DIP2C: variants seen among roughly 807,000 people sequenced by gnomAD.
The protein encoded by DIP2C is DIP2 acetate--CoA ligase C (putative), also known as disco-interacting protein 2 homolog C.
A neutral mutation model predicts 192.4 loss-of-function variants in DIP2C; 33 were observed. That is an observed-to-expected ratio of 0.17 (90% CI 0.13 to 0.23). The LOEUF (loss-of-function observed/expected upper bound fraction) is 0.23. DIP2C is among the 10% of genes least tolerant of loss of function. The pLI is 1.00. For synonymous variants in DIP2C, 979 were observed against 864.1 expected, an observed-to-expected ratio of 1.13 and a Z score of -2.33; for missense variants, 1,537 against 2,110.1, an observed-to-expected ratio of 0.73 and a Z score of 5.32.
At chr10:567,243 C>T (rs1444725206) in intron 1 of DIP2C, among the ~76,000 whole-genome samples, 1 of 152,092 alleles carries the variant, frequency 6.6e-6, no homozygotes, top group African/African-American at 2.4e-5. Flanking sequence ...GACCAGAGTG[C>T]AGTGGTGCAA....
intron 9 of DIP2C, among the ~76,000 whole-genome samples, chr10:399,432 T>TCA (rs1352327407): frequency 6.6e-6 from 1 of 152,234 alleles, no homozygotes; most frequent in Non-Finnish European, 1.5e-5. Context: ...TATGATACTG[T>TCA]CACCAGAGTA....
At chr10:621,790 AC>A (rs1005325224) in intron 1 of DIP2C, among the ~76,000 whole-genome samples, 4 of 152,182 alleles carry the variant, frequency 2.6e-5, no homozygotes, top group African/African-American at 9.6e-5. Flanking sequence ...CACGGGGCCT[AC>A]GGAGTGCTTC....
chr10:607,685 C>T (rs925269330), intron 1 of DIP2C, among the ~76,000 whole-genome samples: 2 of 152,164 alleles, frequency 1.3e-5, no homozygotes, highest in South Asian at 2.1e-4. Flanking sequence ...GTGACTAGTT[C>T]ACGCCATAAG....
rs138724204 is a variant in DIP2C, at chr10:384,604, C to T, written c.1698G>A (p.Pro566=). Residue 566 remains proline (P), a synonymous_variant, in exon 15 of 37, where the codon CCG becomes CCA. Transcript: ENST00000280886. The part of the protein sequence containing the change: ...VMNMMHVISI[P]YSLMKVNPLS... The stretch of plus-strand genomic sequence containing the variant: ...GAGGGTTCACCTTCATCAGCGAGTA[C>T]GGGATGCTGATCACATGCATCATGT... 112 of 1,613,866 alleles carry T rather than the reference C, an allele frequency of 6.9e-5. No individual in the cohort carries two copies. Among genetic ancestry groups the T allele is most frequent in the East Asian group, 8.9e-5 (4 of 44,888 alleles).
intron 9 of DIP2C, among the ~76,000 whole-genome samples, chr10:406,295 C>G (rs1964802763): frequency 6.6e-6 from 1 of 152,224 alleles, no homozygotes; most frequent in South Asian, 2.1e-4. Context: ...GCATGAAGCA[C>G]AATCACAAGG....
chr10:511,001 A>ATT (rs1403267680), intron 1 of DIP2C, among the ~76,000 whole-genome samples: 1 of 152,228 alleles, frequency 6.6e-6, no homozygotes, highest in Admixed American at 6.5e-5. Context: ...AGCAAAGTCT[A>ATT]TTAGCCTTCG....
chr10:419,075 C>T lies in DIP2C; in HGVS notation c.729G>A (p.Glu243=). 6.2e-7 allele frequency: 1 copy of T among 1,614,280 alleles called. No homozygotes were observed. The highest frequency in any genetic ancestry group is 1.7e-5 in the Admixed American group (1 of 60,034). Reference sequence around the variant, plus strand: ...TCCTTTGGGACGTACCATCCCCGGTCTCCATGAGCTCGGCGTTGCCGTACT... The same window carrying T: ...TCCTTTGGGACGTACCATCCCCGGTTTCCATGAGCTCGGCGTTGCCGTACT... ...APKYGNAELM[E]TGDGVPVSSR... The change falls in exon 6 of 37, where the codon GAG becomes GAA. Residue 243 remains glutamate (E), a synonymous_variant. Transcript: ENST00000280886.
At chr10:407,254 T>C (rs1964872253) in intron 9 of DIP2C, among the ~76,000 whole-genome samples, 1 of 152,216 alleles carries the variant, frequency 6.6e-6, no homozygotes, top group South Asian at 2.1e-4. Flanking sequence ...CTGGCTTACT[T>C]TACTAGGCAT....
chr10:683,681 G>C (rs537883352), intron 1 of DIP2C, among the ~76,000 whole-genome samples: 269 of 152,318 alleles, frequency 1.8e-3, no homozygotes, highest in African/African-American at 6.3e-3. Flanking sequence ...GATGAGAAGA[G>C]CAAGAAATGA....
chr10:626,791 C>A (rs1389000795), intron 1 of DIP2C, among the ~76,000 whole-genome samples: 1 of 152,270 alleles, frequency 6.6e-6, no homozygotes, highest in African/African-American at 2.4e-5. Context: ...GAACACCCCA[C>A]GGTCACGCCG....
At chr10:403,798 C>T (rs1209536880) in intron 9 of DIP2C, among the ~76,000 whole-genome samples, 3 of 146,998 alleles carry the variant, frequency 2.0e-5, no homozygotes, top group African/African-American at 7.6e-5. Flanking sequence ...CATTACTCTT[C>T]CTTATGGACA....
chr10:378,737 A>G (rs1961979740), intron 17 of DIP2C, among the ~76,000 whole-genome samples: 1 of 146,794 alleles, frequency 6.8e-6, no homozygotes, highest in South Asian at 2.1e-4. Context: ...AGACATGCAT[A>G]AAGACACATG....
At chr10:392,658 C>T (rs1179213884) in intron 10 of DIP2C, among the ~76,000 whole-genome samples, 6 of 152,220 alleles carry the variant, frequency 3.9e-5, no homozygotes, top group African/African-American at 1.4e-4. Context: ...TCTCACCCTA[C>T]ACACCCATGT....
intron 2 of DIP2C, among the ~76,000 whole-genome samples, chr10:479,620 C>CA (rs1843436539): frequency 6.6e-6 from 1 of 152,174 alleles, no homozygotes; most frequent in Non-Finnish European, 1.5e-5. Flanking sequence ...AGGCATGAGC[C>CA]AATGCGCCCG....
In DIP2C at chr10:299,507, A is replaced by C. The variant is rs192463767; in HGVS notation, c.3986+10524T>G. Among the ~76,000 whole-genome samples, 115 of 152,358 alleles carry C rather than the reference A, an allele frequency of 7.5e-4. 1 individual carries two copies. The highest frequency in any genetic ancestry group is 2.7e-3 in the African/African-American group (111 of 41,584). ...AAAATATTTAAAATTATTTAATTCA[A>C]AGTGGATCAATGACATAAATGTAAG... is the stretch of plus-strand genomic sequence containing the variant. On this transcript the variant is annotated intron_variant, in intron 32 of 36. Transcript: ENST00000280886.
chr10:339,430 A>G (rs2132546753), intron 29 of DIP2C, among the ~76,000 whole-genome samples: 1 of 152,182 alleles, frequency 6.6e-6, no homozygotes, highest in South Asian at 2.1e-4. Context: ...ACCTGGACAA[A>G]CCCTTAAAGA....
At chr10:575,060 G>A (rs1807248202) in intron 1 of DIP2C, among the ~76,000 whole-genome samples, 1 of 152,092 alleles carries the variant, frequency 6.6e-6, no homozygotes, top group Non-Finnish European at 1.5e-5. Flanking sequence ...TCAGTCTGCT[G>A]GTCTTGGCTT....
intron 24 of DIP2C, among the ~76,000 whole-genome samples, chr10:354,046 G>A (rs747950179): frequency 2.6e-4 from 40 of 152,176 alleles, no homozygotes; most frequent in African/African-American, 8.4e-4. Context: ...GCAGAGGAGC[G>A]AAGGACCCAT....
chr10:307,724 C>T (rs932224327), intron 32 of DIP2C, among the ~76,000 whole-genome samples: 9 of 152,232 alleles, frequency 5.9e-5, no homozygotes, highest in East Asian at 1.9e-4. Flanking sequence ...CCCCAGAAGC[C>T]GGGAGGGAAG....
Sources: gnomAD v4.1 joint callset for allele counts (sites outside exome capture counted in the v4.1 genomes callset) on GRCh38, gnomAD v4.1.1 for gene constraint, MANE v1.5 for transcripts, NCBI Gene and HGNC (gene_info 2026-07-23, HGNC 2026-07-21) for gene names.